CACNA1C: variants seen among roughly 807,000 people sequenced by gnomAD.
The protein encoded by CACNA1C is calcium voltage-gated channel subunit alpha1 C, also known as voltage-dependent L-type calcium channel subunit alpha-1C.
Under a neutral mutation model 229.0 loss-of-function variants are expected in CACNA1C, and 30 were observed. That is an observed-to-expected ratio of 0.13 (90% CI 0.10 to 0.18). The LOEUF (loss-of-function observed/expected upper bound fraction) is 0.18, where lower values mean the gene tolerates loss of function less well. Among genes scored for constraint, CACNA1C ranks in the 10% least tolerant of loss-of-function variants. CACNA1C has a pLI of 1.00. For synonymous variants in CACNA1C, 1,114 were observed against 1,132.5 expected, an observed-to-expected ratio of 0.98 and a Z score of 0.33; for missense variants, 1,658 against 2,845.0, an observed-to-expected ratio of 0.58 and a Z score of 9.49.
At chr12:2,208,512 G>C (rs2097825248) in intron 3 of CACNA1C, among the ~76,000 whole-genome samples, 1 of 152,184 alleles carries the variant, frequency 6.6e-6, no homozygotes, top group Non-Finnish European at 1.5e-5. Flanking sequence ...GAGCTGGCAG[G>C]CTCTGGAGCC....
intron 3 of CACNA1C, among the ~76,000 whole-genome samples, chr12:2,324,946 G>T (rs2096221908): frequency 6.6e-6 from 1 of 152,196 alleles, no homozygotes; most frequent in Non-Finnish European, 1.5e-5. Context: ...GGCGAGGAGT[G>T]AATTACTGTC....
chr12:2,174,955 G>C (rs554768152), intron 3 of CACNA1C, among the ~76,000 whole-genome samples: 28 of 152,296 alleles, frequency 1.8e-4, no homozygotes, highest in Non-Finnish European at 3.7e-4. Flanking sequence ...AGGAAGAGAA[G>C]TAGGAAGAGG....
chr12:2,545,573 C>T (rs1401203456), intron 9 of CACNA1C, among the ~76,000 whole-genome samples: 2 of 152,186 alleles, frequency 1.3e-5, no homozygotes, highest in Non-Finnish European at 2.9e-5. Context: ...TGCTCTTTAA[C>T]ATCCTTTCCA....
At chr12:2,674,349 TGGACAGAGGAAG>T (rs1015821738) in intron 38 of CACNA1C, 180 bp from the exon 39 acceptor site, 7 of 745,934 alleles carry the variant, frequency 9.4e-6, no homozygotes, top group South Asian at 8.8e-5. Context: ...GGAAGGAAGG[TGGACAGAGGAAG>T]GGGAAGAGGA....
chr12:2,095,009 G>C (rs2073209396), intron 1 of CACNA1C, among the ~76,000 whole-genome samples: 1 of 152,162 alleles, frequency 6.6e-6, no homozygotes, highest in South Asian at 2.1e-4. Flanking sequence ...CAAGACTCTT[G>C]TCACAACTCA....
chr12:2,345,406 A>G (rs1002550127), intron 3 of CACNA1C, among the ~76,000 whole-genome samples: 2 of 152,092 alleles, frequency 1.3e-5, no homozygotes, highest in Non-Finnish European at 2.9e-5. Flanking sequence ...AGCATAGGGC[A>G]GTGGCCACTA....
At chr12:2,389,779 T>C (rs2098453393) in intron 3 of CACNA1C, among the ~76,000 whole-genome samples, 1 of 152,186 alleles carries the variant, frequency 6.6e-6, no homozygotes, top group Non-Finnish European at 1.5e-5. Context: ...GTGTGTGTGC[T>C]CCTGCTGTGG....
intron 13 of CACNA1C, among the ~76,000 whole-genome samples, chr12:2,579,837 C>T (rs1437406602): frequency 6.6e-6 from 1 of 152,178 alleles, no homozygotes; most frequent in Non-Finnish European, 1.5e-5. Flanking sequence ...CCTTGACCTC[C>T]TAAAGTGACA....
intron 1 of CACNA1C, among the ~76,000 whole-genome samples, chr12:2,069,605 G>T (rs956367175): frequency 6.6e-6 from 1 of 152,134 alleles, no homozygotes; most frequent in South Asian, 2.1e-4. Flanking sequence ...CATTTTGTTC[G>T]AACCATTTAA....
At chr12:2,485,766 G>A (rs2099695107) in intron 5 of CACNA1C, among the ~76,000 whole-genome samples, 1 of 152,174 alleles carries the variant, frequency 6.6e-6, no homozygotes, top group Non-Finnish European at 1.5e-5. Flanking sequence ...GTCCTGAGAT[G>A]CTGCTCTAGG....
chr12:2,430,807 G>A (rs1210687360), intron 3 of CACNA1C, among the ~76,000 whole-genome samples: 1 of 151,952 alleles, frequency 6.6e-6, no homozygotes, highest in Non-Finnish European at 1.5e-5. Context: ...CATGAAGCTG[G>A]GCCCATGGAG....
At chr12:2,105,742 C>T (rs1408431014) in intron 1 of CACNA1C, among the ~76,000 whole-genome samples, 5 of 113,602 alleles carry the variant, frequency 4.4e-5, no homozygotes, top group African/African-American at 1.6e-4. Flanking sequence ...GCGCCCACCC[C>T]GGGGAGGGTT....
intron 9 of CACNA1C, among the ~76,000 whole-genome samples, chr12:2,544,036 C>T (rs573251282): frequency 1.3e-5 from 2 of 152,244 alleles, no homozygotes; most frequent in East Asian, 1.9e-4. Context: ...TTATGAGAGT[C>T]CCATGTTAGT....
At chr12:2,514,575 G>A (rs1173268489) in intron 9 of CACNA1C, among the ~76,000 whole-genome samples, 3 of 152,134 alleles carry the variant, frequency 2.0e-5, no homozygotes, top group Admixed American at 2.0e-4. Flanking sequence ...AAATAAATAA[G>A]TTGGCCTGTG....
chr12:2,074,453 T>A (rs1184204792), intron 1 of CACNA1C, among the ~76,000 whole-genome samples: 1 of 152,186 alleles, frequency 6.6e-6, no homozygotes, highest in African/African-American at 2.4e-5. Flanking sequence ...TCGGAGATGA[T>A]CTGACTTGCC....
chr12:2,328,939 T>C (rs7304986), intron 3 of CACNA1C, among the ~76,000 whole-genome samples: 18,050 of 152,240 alleles, frequency 0.12, 2,857 homozygotes, highest in African/African-American at 0.36. Context: ...AATTTGTCTG[T>C]GTAATAATCA....
rs2094348712 is a variant in CACNA1C at position 2,646,302 on chromosome 12, C to A, written c.3913-2173C>A. The A allele has an allele frequency of 1.3e-5, 2 of 151,838 alleles. No individual in the cohort carries two copies. The highest frequency in any genetic ancestry group is 4.2e-4 in the South Asian group (2 of 4,810). 9.4% of individuals were successfully genotyped at this position (151,838 alleles called of 1,614,324 possible). A position where few individuals can be genotyped will look rare whatever the true frequency, so the allele number is the denominator to read the frequency against. On this transcript the variant is annotated intron_variant, in intron 30 of 46. Coordinates refer to ENST00000399655, the MANE Select transcript of CACNA1C (RefSeq NM_000719.7). This position sits in a 1 kb window ranked among gnomAD's most constrained non-coding sequence, Gnocchi z 4.6. The stretch of plus-strand genomic sequence containing the variant: ...TTGTTTTGTTTTTGTTTTTTTGATG[C>A]CTAGAGGTTGGTTCAATTAGGCCAG...
chr12:2,562,882 A>G lies in CACNA1C; in HGVS notation c.1509-3540A>G, dbSNP rs1161769534. Among the ~76,000 whole-genome samples the G allele has an allele frequency of 2.0e-5, 3 of 152,232 alleles. No individual in the cohort carries two copies. The East Asian group carries it at 5.8e-4, about 29-fold the overall frequency. On this transcript the variant is annotated intron_variant, in intron 11 of 46. Coordinates refer to ENST00000399655, the MANE Select transcript of CACNA1C (RefSeq NM_000719.7). Reference sequence around the variant, plus strand: ...CTTATCATTTCTTTGTATTACGAACATTCCAATTCCAGTCTTTTAGTTTAT... The same window carrying G: ...CTTATCATTTCTTTGTATTACGAACGTTCCAATTCCAGTCTTTTAGTTTAT...
intron 1 of CACNA1C, among the ~76,000 whole-genome samples, chr12:2,061,537 T>G (rs2098916509): frequency 9.2e-6 from 1 of 108,678 alleles, no homozygotes; most frequent in African/African-American, 5.5e-5. Context: ...GGTGGAGCCA[T>G]GTGCACTGCT....
Sources: gnomAD v4.1 joint callset for allele counts (sites outside exome capture counted in the v4.1 genomes callset) on GRCh38, gnomAD v4.1.1 for gene constraint, Gnocchi (gnomAD v3.1) non-coding constraint, MANE v1.5 for transcripts, NCBI Gene and HGNC (gene_info 2026-07-23, HGNC 2026-07-21) for gene names.